DNAJC6: variants seen among roughly 807,000 people sequenced by gnomAD.
DNAJC6 encodes the protein auxilin.
A neutral mutation model predicts 110.0 loss-of-function variants in DNAJC6; 34 were observed. The ratio of observed to expected loss-of-function variants is 0.31; its 90% CI spans 0.24 to 0.41. The LOEUF (loss-of-function observed/expected upper bound fraction) is 0.41, where lower values mean the gene tolerates loss of function less well. DNAJC6 is among the 10% of genes least tolerant of loss of function. DNAJC6 has a pLI of 1.00. For missense variants in DNAJC6, 1,031 were observed against 1,207.8 expected (o/e 0.85, Z 2.17); for synonymous variants, 406 against 437.2 (o/e 0.93, Z 0.89).
At chr1:65,345,722 A>G (rs1033177858) in intron 1 of DNAJC6, 4 of 972,966 alleles carry the variant, frequency 4.1e-6, no homozygotes, top group Admixed American at 6.2e-5. Flanking sequence ...ACTACCCACC[A>G]GGTAAGGGTG....
intron 14 of DNAJC6, 114 bp from the exon 15 acceptor site, chr1:65,401,647 A>G (rs1360375468): frequency 7.0e-7 from 1 of 1,430,146 alleles, no homozygotes; most frequent in African/African-American, 1.4e-5. Flanking sequence ...AGACATTTTC[A>G]AACCCTGTCC....
At chr1:65,285,172 C>A (rs1023477978) in intron 1 of DNAJC6, among the ~76,000 whole-genome samples, 8 of 152,224 alleles carry the variant, frequency 5.3e-5, no homozygotes, top group Non-Finnish European at 8.8e-5. Flanking sequence ...CTTGCATAAA[C>A]AGCAGCAATT....
In DNAJC6 at chr1:65,336,597, C is replaced by A. The variant is rs77213873; in HGVS notation, c.193+26659C>A. Among the ~76,000 whole-genome samples the A allele has an allele frequency of 6.1e-3, 930 of 152,176 alleles. 8 individuals are homozygous for A. The highest frequency in any genetic ancestry group is 0.02 in the African/African-American group (842 of 41,508). On this transcript the variant is annotated intron_variant, in intron 1 of 18. Coordinates refer to ENST00000371069, the MANE Select transcript of DNAJC6 (RefSeq NM_001256864.2). ...TCATTTTTTCTAAAGCTGTTCTTGC[C>A]CCTCTGGATTATTGTGAAGTAGATC...
chr1:65,294,084 A>C (rs551762723), intron 1 of DNAJC6, among the ~76,000 whole-genome samples: 2 of 152,346 alleles, frequency 1.3e-5, no homozygotes, highest in South Asian at 4.1e-4. Context: ...AAAAGCAATG[A>C]AAGGACTTTG....
rs778948146 is a variant in DNAJC6, at chr1:65,408,718, C to A, written c.2569C>A (p.Pro857Thr). The A allele has an allele frequency of 3.1e-6, 5 of 1,613,974 alleles. No individual in the cohort carries two copies. Among genetic ancestry groups the A allele is most frequent in the Non-Finnish European group, 4.2e-6 (5 of 1,179,964 alleles). The change falls in exon 17 of 19, where the codon CCT (proline) becomes ACT (threonine). Residue 857 changes from proline to threonine, a missense_variant. Pro to Thr is a conservative substitution (Grantham distance 38, BLOSUM62 -1). Coordinates refer to ENST00000371069, the MANE Select transcript of DNAJC6 (RefSeq NM_001256864.2). ...GFNAHKDKKG[P>T]RTIAEMRKEE... ...CAATGCTCACAAAGACAAAAAGGGG[C>A]CTCGGACAATAGCTGAGATGAGAAA... is the stretch of plus-strand genomic sequence containing the variant.
intron 1 of DNAJC6, among the ~76,000 whole-genome samples, chr1:65,266,338 A>G (rs1271859327): frequency 6.6e-6 from 1 of 152,208 alleles, no homozygotes; most frequent in Non-Finnish European, 1.5e-5. Context: ...TAATCTACGA[A>G]ACTGTAATGA....
chr1:65,388,490 T>C (rs1176716233), intron 9 of DNAJC6, 75 bp downstream of exon 9: 2 of 1,345,674 alleles, frequency 1.5e-6, no homozygotes, highest in Admixed American at 3.4e-5. Context: ...GGCACCAGGC[T>C]GTAGCATACC....
chr1:65,385,691 A>C (rs748193959), intron 6 of DNAJC6, 21 bp from the exon 7 acceptor site: 1 of 1,545,996 alleles, frequency 6.5e-7, no homozygotes, highest in Non-Finnish European at 8.8e-7. Context: ...GCCCCAAGAG[A>C]GTGCCAACCT....
chr1:65,328,525 T>A (rs1474752354), intron 1 of DNAJC6, among the ~76,000 whole-genome samples: 1 of 152,248 alleles, frequency 6.6e-6, no homozygotes, highest in Non-Finnish European at 1.5e-5. Flanking sequence ...CATTTGCATG[T>A]GTACTCATGT....
At position 65,364,611 on chromosome 1, in the gene DNAJC6, TTTG is replaced by T. The variant is rs766564332; in HGVS notation, c.194-21_194-19del. On this transcript the variant is annotated intron_variant, in intron 1 of 18. Transcript: ENST00000371069. ...TCTCTGCCATCACCATTTTTGTTTG[TTTG>T]TTTTTTTTTTTTTTTGGCAGGTGCC... 51 of 1,546,962 alleles carry T rather than the reference TTTG, an allele frequency of 3.3e-5. 2 individuals carry two copies. The highest frequency in any genetic ancestry group is 2.4e-4 in the East Asian group (10 of 41,638).
chr1:65,351,910 G>A (rs570241177), intron 1 of DNAJC6, among the ~76,000 whole-genome samples: 235 of 152,054 alleles, frequency 1.5e-3, no homozygotes, highest in Middle Eastern at 3.4e-3. Context: ...GATTACAGGC[G>A]TCCACCACCA....
At chr1:65,305,901 A>G (rs1425824701), upstream of DNAJC6, among the ~76,000 whole-genome samples, 4 of 152,160 alleles carry the variant, frequency 2.6e-5, no homozygotes, top group Non-Finnish European at 5.9e-5. Context: ...AGCATATGTT[A>G]AGCACTTATT....
At chr1:65,342,278 G>A (rs1390862309) in intron 1 of DNAJC6, among the ~76,000 whole-genome samples, 2 of 152,166 alleles carry the variant, frequency 1.3e-5, no homozygotes, top group African/African-American at 2.4e-5. Context: ...TCCCAGATTC[G>A]TATGCTGAAA....
intron 1 of DNAJC6, among the ~76,000 whole-genome samples, chr1:65,324,912 G>A (rs1485577850): frequency 2.0e-5 from 3 of 152,148 alleles, no homozygotes; most frequent in African/African-American, 7.2e-5. Context: ...CAATAGTGCC[G>A]AGGTAGGGAA....
At chr1:65,369,015 C>T (rs985396323) in intron 4 of DNAJC6, among the ~76,000 whole-genome samples, 7 of 152,046 alleles carry the variant, frequency 4.6e-5, no homozygotes, top group African/African-American at 1.7e-4. Context: ...AGTGATCCAC[C>T]TGCCTCAGCC....
chr1:65,367,728 C>G (rs1645662227), intron 4 of DNAJC6, among the ~76,000 whole-genome samples: 1 of 152,076 alleles, frequency 6.6e-6, no homozygotes, highest in Admixed American at 6.6e-5. Flanking sequence ...AAGGCAATCT[C>G]TATAAAGATG....
At chr1:65,316,234 C>A (rs1247014701) in intron 1 of DNAJC6, among the ~76,000 whole-genome samples, 1 of 152,126 alleles carries the variant, frequency 6.6e-6, no homozygotes, top group Non-Finnish European at 1.5e-5. Flanking sequence ...CTGGTAGATC[C>A]CCTCCCCAGC....
In DNAJC6 at chr1:65,304,109, G is replaced by A. The variant is rs377295225; in HGVS notation, c.-131+39177G>A. Among the ~76,000 whole-genome samples the A allele has an allele frequency of 2.6e-5, 4 of 152,072 alleles. No individual in the cohort carries two copies. The East Asian group carries it at 5.8e-4, about 22-fold the overall frequency. On this transcript the variant is annotated intron_variant, in intron 1 of 19. Coordinates refer to the DNAJC6 transcript ENST00000263441. ...TAGATTTAAGGTAGGTAAGGCACCT[G>A]GCAAATGATAAATAATCAATGGCAG...
intron 1 of DNAJC6, among the ~76,000 whole-genome samples, chr1:65,294,122 G>A (rs1484653523): frequency 6.6e-6 from 1 of 152,210 alleles, no homozygotes. Flanking sequence ...AATGATAATG[G>A]TTAAGACATA....
Sources: allele counts gnomAD v4.1 joint callset (sites outside exome capture counted in the v4.1 genomes callset), GRCh38; gene constraint gnomAD v4.1.1; transcripts MANE v1.5; gene names NCBI Gene and HGNC (gene_info 2026-07-23, HGNC 2026-07-21).